Variants in DCDC2 observed in about 807,000 individuals in gnomAD.
DCDC2 encodes doublecortin domain-containing protein 2.
DCDC2 carries 40 observed loss-of-function variants against 50.2 expected under a neutral mutation model. That is an observed-to-expected ratio of 0.80 (90% CI 0.62 to 1.04). The LOEUF is 1.04. Among genes scored for constraint, DCDC2 ranks in the 50% least tolerant of loss-of-function variants. The pLI, the probability that DCDC2 is intolerant of heterozygous loss-of-function variation, is 0.00. For missense variants in DCDC2, 570 were observed against 581.9 expected (o/e 0.98, Z 0.21); for synonymous variants, 234 against 210.6 (o/e 1.11, Z -0.96).
intron 7 of DCDC2, among the ~76,000 whole-genome samples, chr6:24,227,432 C>G (rs73394023): frequency 1.6e-4 from 24 of 152,140 alleles, no homozygotes; most frequent in Non-Finnish European, 3.2e-4. Flanking sequence ...CAGGGATTAT[C>G]AAGAAATCTA....
rs186748232 is a variant in DCDC2 at position 24,272,415 on chromosome 6, T to C, written c.922+5634A>G. 4.2e-3 allele frequency among the ~76,000 whole-genome samples: 647 copies of C among 152,260 alleles called. 3 individuals carry two copies. The highest frequency in any genetic ancestry group is 0.014 in the African/African-American group (597 of 41,558). On this transcript the variant is annotated intron_variant, in intron 7 of 9. Transcript: ENST00000378454. ...TGACCCATATATCCCACAGTACACA[T>C]TGCCATTGAGATGGGAAGTTGTGAT... is the stretch of plus-strand genomic sequence containing the variant.
chr6:24,178,043 CTG>C (rs1449930134), intron 9 of DCDC2, among the ~76,000 whole-genome samples: 4 of 152,098 alleles, frequency 2.6e-5, no homozygotes, highest in Non-Finnish European at 4.4e-5. Context: ...TTAGAAGGCT[CTG>C]TACATTTTCT....
At chr6:24,305,995 T>G (rs1759466602) in intron 2 of DCDC2, among the ~76,000 whole-genome samples, 1 of 151,966 alleles carries the variant, frequency 6.6e-6, no homozygotes, top group African/African-American at 2.4e-5. Context: ...ACCACTGCAC[T>G]TCAGCCTGGG....
intron 7 of DCDC2, among the ~76,000 whole-genome samples, chr6:24,216,149 A>G (rs1426150582): frequency 2.6e-5 from 4 of 152,194 alleles, no homozygotes; most frequent in Non-Finnish European, 5.9e-5. Flanking sequence ...ATTAGAATAA[A>G]GTTCCAAGAT....
chr6:24,343,624 T>G (rs1396819178), intron 2 of DCDC2, among the ~76,000 whole-genome samples: 1 of 152,190 alleles, frequency 6.6e-6, no homozygotes, highest in Admixed American at 6.5e-5. Flanking sequence ...AACCAAAAGC[T>G]TGATATACCT....
Position 24,301,764 on chromosome 6 carries a change from G to C in DCDC2, c.508C>G (p.Leu170Val). ...RKTLNQWDHV[L>V]QMVTEKITLR... ...GTGATTTTTTCTGTGACCATTTGTA[G>C]TACATGATCCCACTGATTCAAGGTT... The change falls in exon 4 of 10, where the codon CTA (leucine) becomes GTA (valine). Residue 170 changes from leucine to valine, a missense_variant. Leu to Val is a conservative substitution (Grantham distance 32). Transcript: ENST00000378454. 6.2e-7 allele frequency: 1 copy of C among 1,614,156 alleles called. No homozygotes were observed. The highest frequency in any genetic ancestry group is 8.5e-7 in the Non-Finnish European group (1 of 1,180,032).
intron 8 of DCDC2, among the ~76,000 whole-genome samples, chr6:24,181,030 C>A (rs1457058047): frequency 6.6e-6 from 1 of 151,926 alleles, no homozygotes; most frequent in Non-Finnish European, 1.5e-5. Flanking sequence ...CTGAAAAAAC[C>A]ACAATGTTTG....
At chr6:24,190,208 C>A (rs1761285998) in intron 8 of DCDC2, among the ~76,000 whole-genome samples, 2 of 152,090 alleles carry the variant, frequency 1.3e-5, no homozygotes, top group African/African-American at 2.4e-5. Context: ...GCTGTCTCAC[C>A]CGGGTCCCTT....
chr6:24,280,868 G>A (rs913983302), intron 6 of DCDC2, among the ~76,000 whole-genome samples: 1 of 152,144 alleles, frequency 6.6e-6, no homozygotes, highest in South Asian at 2.1e-4. Flanking sequence ...AGCTTTAGAT[G>A]AGAAGATCAA....
At chr6:24,353,101 GGT>G in intron 2 of DCDC2, 1 of 298,712 alleles carries the variant, frequency 3.3e-6, no homozygotes, top group Non-Finnish European at 6.6e-6. Flanking sequence ...CTAAAACACA[GGT>G]GTTTTCCTGA....
chr6:24,350,653 A>G (rs2069292996), intron 2 of DCDC2, among the ~76,000 whole-genome samples: 1 of 152,022 alleles, frequency 6.6e-6, no homozygotes, highest in Non-Finnish European at 1.5e-5. Flanking sequence ...TTGTGCTACT[A>G]CGGCACTGAA....
At chr6:24,178,742 C>T in intron 8 of DCDC2, 110 bp from the exon 9 acceptor site, 2 of 1,117,550 alleles carry the variant, frequency 1.8e-6, no homozygotes, top group Non-Finnish European at 2.5e-6. Context: ...AACATTCTTA[C>T]ATTTGCATAG....
At position 24,205,434 on chromosome 6, in the gene DCDC2, T is replaced by TC. The variant is rs1761699448; in HGVS notation, c.923-333dup. On this transcript the variant is annotated intron_variant, in intron 7 of 9. Transcript: ENST00000378454. ...AAATTCACAAGTATCATCCCAGTTC[T>TC]CCCCTCCTATTCACAAAACAGTGAA... 3 of 1,106,772 alleles carry TC rather than the reference T, an allele frequency of 2.7e-6. No homozygotes were observed. The South Asian group carries it at 5.6e-5, about 21-fold the overall frequency. 68.6% of individuals were successfully genotyped at this position (1,106,772 alleles called of 1,614,324 possible). A position where few individuals can be genotyped will look rare whatever the true frequency, so the allele number is the denominator to read the frequency against.
chr6:24,317,755 A>C (rs551174706), intron 2 of DCDC2, among the ~76,000 whole-genome samples: 1 of 152,060 alleles, frequency 6.6e-6, no homozygotes, highest in African/African-American at 2.4e-5. Flanking sequence ...TCAGAGATAA[A>C]GCATAAATAT....
chr6:24,229,203 G>A (rs1762291164), intron 7 of DCDC2, among the ~76,000 whole-genome samples: 1 of 152,176 alleles, frequency 6.6e-6, no homozygotes, highest in Non-Finnish European at 1.5e-5. Context: ...GGTGTTGGCA[G>A]GACTATGTTC....
chr6:24,215,023 CG>C (rs976324856), intron 7 of DCDC2, among the ~76,000 whole-genome samples: 6 of 152,148 alleles, frequency 3.9e-5, no homozygotes, highest in Non-Finnish European at 7.4e-5. Context: ...TATTATCTAC[CG>C]GGGGGTCACA....
At chr6:24,310,352 T>G (rs1292003659) in intron 2 of DCDC2, among the ~76,000 whole-genome samples, 2 of 152,182 alleles carry the variant, frequency 1.3e-5, no homozygotes, top group Non-Finnish European at 2.9e-5. Context: ...TTTGGGTATA[T>G]AATCTTCTAT....
At chr6:24,204,515 A>G (rs895790534) in intron 8 of DCDC2, among the ~76,000 whole-genome samples, 1 of 152,178 alleles carries the variant, frequency 6.6e-6, no homozygotes, top group East Asian at 1.9e-4. Context: ...GAGGGACAGC[A>G]TTAGGAGAAA....
upstream of DCDC2, among the ~76,000 whole-genome samples, chr6:24,358,899 A>ATATTATATATTATTAT (rs1561788477): frequency 1.4e-4 from 3 of 21,498 alleles, no homozygotes; most frequent in African/African-American, 6.6e-4. Context: ...TTATATATAT[A>ATATTATATATTATTAT]ATATATTATA....
Sources: allele counts gnomAD v4.1 joint callset (sites outside exome capture counted in the v4.1 genomes callset), GRCh38; gene constraint gnomAD v4.1.1; transcripts MANE v1.5; gene names NCBI Gene and HGNC (gene_info 2026-07-23, HGNC 2026-07-21).